Variants in UBE2D1 observed in about 807,000 individuals in gnomAD.
The protein encoded by UBE2D1 is ubiquitin-conjugating enzyme E2 D1.
Under a neutral mutation model 24.6 loss-of-function variants are expected in UBE2D1, and 9 were observed. The observed-to-expected ratio is 0.37, with a 90% confidence interval of 0.22 to 0.64. UBE2D1 has a LOEUF of 0.64. Among genes scored for constraint, UBE2D1 ranks in the 30% least tolerant of loss-of-function variants. The pLI is 0.64. For missense variants in UBE2D1, 87 were observed against 177.1 expected, an observed-to-expected ratio of 0.49 and a Z score of 2.89; for synonymous variants, 57 against 57.6, an observed-to-expected ratio of 0.99 and a Z score of 0.04.
intron 1 of UBE2D1, among the ~76,000 whole-genome samples, chr10:58,344,992 G>A (rs1398087778): frequency 1.3e-5 from 2 of 152,014 alleles, no homozygotes; most frequent in South Asian, 2.1e-4. Flanking sequence ...AGCCCCCTGA[G>A]TAGCTGGGTC....
chr10:58,353,063 T>C (rs1409790013), intron 1 of UBE2D1, among the ~76,000 whole-genome samples: 1 of 152,210 alleles, frequency 6.6e-6, no homozygotes, highest in Non-Finnish European at 1.5e-5. Flanking sequence ...ACTTTTAAGC[T>C]ACATCTTGTA....
chr10:58,366,077 T>C (rs969127963), intron 5 of UBE2D1, among the ~76,000 whole-genome samples: 5 of 140,690 alleles, frequency 3.6e-5, no homozygotes, highest in African/African-American at 1.4e-4. Context: ...GCATTAGATA[T>C]ATGAAAGATT....
At chr10:58,364,694 A>C (rs1046268950) in intron 4 of UBE2D1, 77 bp from the exon 5 acceptor site, 1 of 1,037,150 alleles carries the variant, frequency 9.6e-7, no homozygotes, top group Admixed American at 2.1e-5. Context: ...ATTTTACCCT[A>C]GAGCAAATTG....
chr10:58,354,014 A>T (rs1840104256), intron 1 of UBE2D1, among the ~76,000 whole-genome samples: 1 of 152,194 alleles, frequency 6.6e-6, no homozygotes, highest in Non-Finnish European at 1.5e-5. Flanking sequence ...CTTAGTTTTA[A>T]AAAACATTCC....
intron 1 of UBE2D1, among the ~76,000 whole-genome samples, chr10:58,337,916 G>A (rs1193300792): frequency 2.0e-5 from 3 of 151,734 alleles, no homozygotes; most frequent in African/African-American, 4.8e-5. Flanking sequence ...GCATGATCTC[G>A]GCTCACTGCA....
intron 1 of UBE2D1, among the ~76,000 whole-genome samples, chr10:58,349,184 T>C (rs1392410038): frequency 1.3e-5 from 2 of 152,210 alleles, no homozygotes; most frequent in Non-Finnish European, 2.9e-5. Flanking sequence ...ATAAAGGCAC[T>C]ATCCTTTAAT....
intron 4 of UBE2D1, 46 bp from the exon 5 acceptor site, chr10:58,364,725 G>T (rs768174539): frequency 7.0e-7 from 1 of 1,425,234 alleles, no homozygotes; most frequent in Non-Finnish European, 9.8e-7. Flanking sequence ...ATTCATAGTT[G>T]ATTCAAAGGT....
intron 1 of UBE2D1, among the ~76,000 whole-genome samples, chr10:58,345,114 C>T (rs1406047261): frequency 6.6e-6 from 1 of 152,020 alleles, no homozygotes; most frequent in Non-Finnish European, 1.5e-5. Flanking sequence ...ATCCACCCGC[C>T]TTGGCCTCCC....
chr10:58,353,173 TA>T (rs1840095666), intron 1 of UBE2D1, among the ~76,000 whole-genome samples: 1 of 152,226 alleles, frequency 6.6e-6, no homozygotes, highest in South Asian at 2.1e-4. Flanking sequence ...GGATTTTTAT[TA>T]GCATCATAAT....
chr10:58,350,618 A>G lies in UBE2D1; in HGVS notation c.25-10720A>G, dbSNP rs550394210. 2.0e-5 allele frequency among the ~76,000 whole-genome samples: 3 copies of G among 151,942 alleles called. No individual in the cohort carries two copies. In the South Asian group the frequency reaches 6.2e-4, roughly 32 times the overall value. On this transcript the variant is annotated intron_variant, in intron 1 of 6. Transcript: ENST00000373910. The stretch of plus-strand genomic sequence containing the variant: ...TGTTCTTAATTTTAATCAAGTCCAA[A>G]TTTTTCATTTTTTCTTTTATTGTTA...
chr10:58,342,072 T>C (rs1839966755), intron 1 of UBE2D1, among the ~76,000 whole-genome samples: 1 of 152,210 alleles, frequency 6.6e-6, no homozygotes, highest in South Asian at 2.1e-4. Context: ...AAGGTTTTTC[T>C]GTGCTTAATT....
chr10:58,360,187 A>G (rs775221503), intron 1 of UBE2D1, among the ~76,000 whole-genome samples: 27 of 151,748 alleles, frequency 1.8e-4, no homozygotes, highest in Non-Finnish European at 2.9e-4. Flanking sequence ...TCCCAGTATC[A>G]CTCTTTTCCT....
At chr10:58,368,605 ATG>A in intron 6 of UBE2D1, 113 bp from the exon 7 acceptor site, 1 of 542,938 alleles carries the variant, frequency 1.8e-6, no homozygotes, top group Non-Finnish European at 3.0e-6. Flanking sequence ...TAATTGATAT[ATG>A]TGTGATTATT....
At chr10:58,362,745 A>G (rs1164491161) in intron 3 of UBE2D1, among the ~76,000 whole-genome samples, 1 of 152,086 alleles carries the variant, frequency 6.6e-6, no homozygotes, top group Non-Finnish European at 1.5e-5. Context: ...AACAATATAT[A>G]TAGTAAGAAT....
chr10:58,368,593 A>G, intron 6 of UBE2D1, 127 bp from the exon 7 acceptor site: 1 of 479,258 alleles, frequency 2.1e-6, no homozygotes, highest in Non-Finnish European at 3.4e-6. Context: ...ACATTGACCC[A>G]GTAATTGATA....
intron 1 of UBE2D1, among the ~76,000 whole-genome samples, chr10:58,341,083 A>G (rs1047097605): frequency 1.3e-5 from 2 of 152,250 alleles, no homozygotes; most frequent in Non-Finnish European, 2.9e-5. Flanking sequence ...ATTGTAAATC[A>G]GTAATATAAC....
At chr10:58,346,257 C>A (rs376802189) in intron 1 of UBE2D1, among the ~76,000 whole-genome samples, 30 of 152,242 alleles carry the variant, frequency 2.0e-4, no homozygotes, top group African/African-American at 6.7e-4. Context: ...AATGATCTGC[C>A]CGCCTCAGAC....
chr10:58,341,571 A>G (rs1351760338), intron 1 of UBE2D1, among the ~76,000 whole-genome samples: 4 of 152,224 alleles, frequency 2.6e-5, no homozygotes, highest in Non-Finnish European at 4.4e-5. Context: ...GTGGAAATAA[A>G]TAGCCTAGAA....
At chr10:58,365,919 C>T (rs1840250412) in intron 5 of UBE2D1, among the ~76,000 whole-genome samples, 1 of 152,154 alleles carries the variant, frequency 6.6e-6, no homozygotes. Context: ...GGTCCACAGC[C>T]GTAGCTCTTT....
Sources: gnomAD v4.1 joint callset for allele counts (sites outside exome capture counted in the v4.1 genomes callset) on GRCh38, gnomAD v4.1.1 for gene constraint, MANE v1.5 for transcripts, NCBI Gene and HGNC (gene_info 2026-07-23, HGNC 2026-07-21) for gene names.